The following PTER variants were observed in gnomAD, a reference collection of about 807,000 sequenced individuals.
The protein encoded by PTER is N-acetyltaurine hydrolase.
PTER carries 38 observed loss-of-function variants against 29.6 expected under a neutral mutation model. The ratio of observed to expected loss-of-function variants is 1.28; its 90% CI spans 0.99 to 1.68. The LOEUF (loss-of-function observed/expected upper bound fraction) is 1.68, where lower values mean the gene tolerates loss of function less well. Among genes scored for constraint, PTER ranks in the 40% most tolerant of loss-of-function variants. PTER has a pLI of 0.00. For missense variants in PTER, 482 were observed against 427.8 expected (o/e 1.13, Z -1.12); for synonymous variants, 172 against 154.5 (o/e 1.11, Z -0.84).
intron 1 of PTER, among the ~76,000 whole-genome samples, chr10:16,447,273 T>C (rs1834049914): frequency 6.6e-6 from 1 of 151,736 alleles, no homozygotes; most frequent in South Asian, 2.1e-4. Flanking sequence ...TTTTTTTTTT[T>C]ACTTTTGTAG....
intron 1 of PTER, among the ~76,000 whole-genome samples, chr10:16,472,509 T>C (rs1835090562): frequency 6.6e-6 from 1 of 152,164 alleles, no homozygotes. Context: ...CCTGCTGCCA[T>C]GTAAGTCATG....
intron 2 of PTER, 80 bp from the exon 3 acceptor site, chr10:16,486,272 A>C: frequency 7.5e-7 from 1 of 1,330,838 alleles, no homozygotes; most frequent in Non-Finnish European, 1.0e-6. Context: ...AAAATAAATA[A>C]ATTCATTCAC....
intron 1 of PTER, among the ~76,000 whole-genome samples, chr10:16,447,139 T>C (rs1369555488): frequency 2.0e-5 from 3 of 150,074 alleles, no homozygotes; most frequent in Admixed American, 2.0e-4. Flanking sequence ...CTTGCTCTCT[T>C]GCCCAGGCTG....
At chr10:16,508,078 T>C (rs1364450694) in intron 4 of PTER, among the ~76,000 whole-genome samples, 1 of 148,316 alleles carries the variant, frequency 6.7e-6, no homozygotes, top group Non-Finnish European at 1.5e-5. Flanking sequence ...TTCTTTTTTT[T>C]TTTTTTTTGA....
At chr10:16,508,070 C>CTTTTTTTTTTTTTTTTTTTTTT (rs56800279) in intron 4 of PTER, among the ~76,000 whole-genome samples, 1 of 127,876 alleles carries the variant, frequency 7.8e-6, no homozygotes, top group African/African-American at 3.1e-5. Flanking sequence ...TTTTCTTTTT[C>CTTTTTTTTTTTTTTTTTTTTTT]TTTTTTTTTT....
downstream of PTER, among the ~76,000 whole-genome samples, chr10:16,517,817 C>T (rs997128505): frequency 1.3e-5 from 2 of 152,120 alleles, no homozygotes; most frequent in Non-Finnish European, 2.9e-5. Context: ...CTGATGTTCT[C>T]GTAATTTCAT....
intron 1 of PTER, among the ~76,000 whole-genome samples, chr10:16,444,377 CT>C (rs1833947667): frequency 6.6e-6 from 1 of 151,760 alleles, no homozygotes; most frequent in Non-Finnish European, 1.5e-5. Context: ...AGCTTCTGGG[CT>C]AAAGCGATCC....
chr10:16,440,982 A>G (rs796282810), intron 1 of PTER, among the ~76,000 whole-genome samples: 67 of 152,340 alleles, frequency 4.4e-4, no homozygotes, highest in African/African-American at 1.5e-3. Context: ...GGCTTGTCCT[A>G]TGAATCATGC....
rs928985451 is a variant in PTER, at chr10:16,511,365, C to A, written c.*109C>A. On this transcript the variant is annotated 3_prime_UTR_variant, in exon 5 of 5. Coordinates refer to ENST00000535784, the MANE Select transcript of PTER (RefSeq NM_001261836.2). ...CAGTTACCTAGGACTAATGACAGAT[C>A]ATTTCCTTCTGATGAGAACTAGGAG... 17 of 1,011,144 alleles carry A rather than the reference C, an allele frequency of 1.7e-5. No individual in the cohort carries two copies. Among genetic ancestry groups the A allele is most frequent in the Non-Finnish European group, 2.6e-5 (17 of 665,298 alleles). 62.6% of individuals were successfully genotyped at this position (1,011,144 alleles called of 1,614,324 possible).
intron 2 of PTER, among the ~76,000 whole-genome samples, chr10:16,485,097 A>G (rs1835644451): frequency 6.6e-6 from 1 of 152,216 alleles, no homozygotes; most frequent in Non-Finnish European, 1.5e-5. Context: ...ACGTGATAAT[A>G]GTTAGATTTG....
intron 1 of PTER, among the ~76,000 whole-genome samples, chr10:16,473,500 A>G (rs1328138506): frequency 8.1e-6 from 1 of 123,424 alleles, no homozygotes; most frequent in African/African-American, 3.0e-5. Flanking sequence ...AGCCTGGGTG[A>G]TAGAGTGAGA....
chr10:16,504,828 G>C (rs1836495965), intron 3 of PTER, among the ~76,000 whole-genome samples, 192 bp from the exon 4 acceptor site: 1 of 152,162 alleles, frequency 6.6e-6, no homozygotes, highest in Non-Finnish European at 1.5e-5. Flanking sequence ...AGATGAGTAA[G>C]TTCTGTTATT....
chr10:16,448,456 A>C (rs544765975), intron 1 of PTER, among the ~76,000 whole-genome samples: 1 of 152,196 alleles, frequency 6.6e-6, no homozygotes, highest in Non-Finnish European at 1.5e-5. Context: ...CCCACTAAGC[A>C]TTGTGCCTCT....
intron 3 of PTER, 129 bp from the exon 4 acceptor site, chr10:16,504,891 T>G: frequency 1.0e-6 from 1 of 995,836 alleles, no homozygotes; most frequent in Non-Finnish European, 1.5e-6. Context: ...AAGAGCCATT[T>G]CAGAAGTGTC....
intron 1 of PTER, among the ~76,000 whole-genome samples, chr10:16,465,416 A>G (rs887061092): frequency 2.0e-5 from 3 of 152,188 alleles, no homozygotes; most frequent in African/African-American, 7.2e-5. Context: ...ACGTTTGGAA[A>G]GCTGATTTCC....
downstream of PTER, among the ~76,000 whole-genome samples, chr10:16,518,090 T>A (rs1004601386): frequency 2.6e-5 from 4 of 152,148 alleles, no homozygotes; most frequent in African/African-American, 9.7e-5. Context: ...TTATGAAAAA[T>A]TAAGTCAGCT....
chr10:16,505,127 T>C lies in PTER; in HGVS notation c.806T>C (p.Ile269Thr), dbSNP rs755472528. 6.2e-7 allele frequency: 1 copy of C among 1,614,004 alleles called. No homozygotes were observed. Among genetic ancestry groups the C allele is most frequent in the Non-Finnish European group, 8.5e-7 (1 of 1,179,922 alleles). The change falls in exon 4 of 5, where the codon ATT (isoleucine) becomes ACT (threonine). Residue 269 changes from isoleucine to threonine, a missense_variant. Ile to Thr is a moderately conservative substitution (Grantham distance 89). Transcript: ENST00000535784. ...ELLHYQLGPDIDMPDDNKRIR... is the reference protein window; with the variant it reads ...ELLHYQLGPDTDMPDDNKRIR... The stretch of plus-strand genomic sequence containing the variant: ...CTTCATTACCAACTCGGCCCAGATA[T>C]TGACATGCCTGATGATAACAAAAGA...
rs1835619918 is a variant in PTER, at chr10:16,484,690, G to T, written c.306G>T (p.Gly102=). ...GGALVENTTT[G]ISRDTQTLKR... ...CTTTGGTGGAAAACACAACCACTGG[G>T]ATTAGCCGAGACACACAGACGTTGA... The change falls in exon 2 of 5, where the codon GGG becomes GGT. Residue 102 remains glycine (G), a synonymous_variant. Transcript: ENST00000535784. The T allele has an allele frequency of 6.2e-7, 1 of 1,614,148 alleles. No individual in the cohort carries two copies. The highest frequency in any genetic ancestry group is 1.1e-5 in the South Asian group (1 of 91,082).
At chr10:16,477,596 T>C (rs1360982634) in intron 1 of PTER, among the ~76,000 whole-genome samples, 2 of 152,210 alleles carry the variant, frequency 1.3e-5, no homozygotes, top group Non-Finnish European at 2.9e-5. Context: ...GGATGCCATC[T>C]GGAAGTTATC....
Sources: gnomAD v4.1 joint callset for allele counts (sites outside exome capture counted in the v4.1 genomes callset) on GRCh38, gnomAD v4.1.1 for gene constraint, MANE v1.5 for transcripts, NCBI Gene and HGNC (gene_info 2026-07-23, HGNC 2026-07-21) for gene names.